CCDC88A: variants seen among roughly 807,000 people sequenced by gnomAD.
CCDC88A encodes the protein coiled-coil and HOOK domain protein 88A, also known as girdin.
CCDC88A carries 54 observed loss-of-function variants against 234.3 expected under a neutral mutation model. The ratio of observed to expected loss-of-function variants is 0.23; its 90% CI spans 0.19 to 0.29. The LOEUF is 0.29. Ranked by LOEUF, CCDC88A falls within the 10% of genes least tolerant of loss-of-function variation. The pLI, the probability that CCDC88A is intolerant of heterozygous loss-of-function variation, is 1.00. For synonymous variants in CCDC88A, 753 were observed against 737.8 expected, an observed-to-expected ratio of 1.02 and a Z score of -0.33; for missense variants, 1,832 against 2,123.4, an observed-to-expected ratio of 0.86 and a Z score of 2.70.
At chr2:55,363,869 T>C in intron 6 of CCDC88A, 81 bp downstream of exon 6, 1 of 689,334 alleles carries the variant, frequency 1.5e-6, no homozygotes, top group Non-Finnish European at 2.4e-6. Context: ...ATTCTATGAC[T>C]TTGAAGTATT....
At chr2:55,378,726 T>A (rs1356247475) in intron 3 of CCDC88A, among the ~76,000 whole-genome samples, 1 of 152,098 alleles carries the variant, frequency 6.6e-6, no homozygotes, top group Non-Finnish European at 1.5e-5. Context: ...GAGGATTTTT[T>A]ATACACATAT....
At chr2:55,360,469 T>A (rs748169863) in intron 7 of CCDC88A, among the ~76,000 whole-genome samples, 7 of 152,220 alleles carry the variant, frequency 4.6e-5, no homozygotes, top group Non-Finnish European at 7.3e-5. Context: ...ATTTCCCGGA[T>A]AACTGGATAT....
chr2:55,332,161 CAGG>C lies in CCDC88A; in HGVS notation c.2855+402_2855+404del. On this transcript the variant is annotated intron_variant, in intron 16 of 32. Transcript: ENST00000436346. This position sits in a 1 kb window ranked among gnomAD's most constrained non-coding sequence, Gnocchi z 4.5. ...GAGATGGAGTTTCGCTCTTGTTGCC[CAGG>C]CTGGAGTGCAACGGCACGATCTCAG... is the stretch of plus-strand genomic sequence containing the variant. The C allele has an allele frequency of 6.5e-6, 1 of 153,676 alleles. No individual in the cohort carries two copies. Among genetic ancestry groups the C allele is most frequent in the Non-Finnish European group, 1.4e-5 (1 of 69,522 alleles). 9.5% of individuals were successfully genotyped at this position (153,676 alleles called of 1,614,324 possible).
At chr2:55,384,318 C>A (rs1446842031) in intron 3 of CCDC88A, among the ~76,000 whole-genome samples, 1 of 115,406 alleles carries the variant, frequency 8.7e-6, no homozygotes, top group East Asian at 2.0e-4. Context: ...GAGCAAAACT[C>A]CATCTCAAAA....
At chr2:55,302,875 G>C (rs1014241652) in intron 26 of CCDC88A, 194 bp downstream of exon 26, 1 of 449,220 alleles carries the variant, frequency 2.2e-6, no homozygotes, top group African/African-American at 1.9e-5. Flanking sequence ...GCACGTATAT[G>C]TATCAGTGGA....
Position 55,296,425 on chromosome 2 carries a change from GACTGCT to G in CCDC88A, c.4918_4923del (p.Ser1640_Ser1641del), listed in dbSNP as rs772246531. On this transcript the variant is annotated inframe_deletion, in exon 30 of 33. Transcript: ENST00000436346. ...GTCTGTCTTTTCAAGTACTGGATTG[GACTGCT>G]ACCACTGCTGGACCAAGCCTCATGG... 1.2e-5 allele frequency: 19 copies of G among 1,614,086 alleles called. No homozygotes were observed. The highest frequency in any genetic ancestry group is 1.5e-5 in the Non-Finnish European group (18 of 1,180,042).
rs1202512605 is a variant in CCDC88A at position 55,374,831 on chromosome 2, C to T, written c.326G>A (p.Gly109Asp). The T allele has an allele frequency of 1.2e-6, 2 of 1,604,246 alleles. No homozygotes were observed. Among genetic ancestry groups the T allele is most frequent in the Admixed American group, 1.7e-5 (1 of 59,940 alleles). Residue 109 changes from glycine to aspartate, a missense_variant, in exon 4 of 33, where the codon GGC (glycine) becomes GAC (aspartate). Physicochemically the swap from Gly to Asp is moderately conservative, Grantham distance 94. Transcript: ENST00000436346. ...MMSLPNVLII[G>D]KNPFSEQGTE... ...ATACTTACCAGAAAAGGGATTTTTG[C>T]CAATGATTAAGACATTTGGCAACGA...
intron 3 of CCDC88A, among the ~76,000 whole-genome samples, chr2:55,384,581 GTA>G (rs1291999071): frequency 0.44 from 41,550 of 94,424 alleles, 18,932 homozygotes; most frequent in Non-Finnish European, 0.52. Flanking sequence ...GTATATATGT[GTA>G]TATATACACA....
intron 2 of CCDC88A, among the ~76,000 whole-genome samples, chr2:55,391,195 A>G (rs1178228863): frequency 6.6e-6 from 1 of 152,170 alleles, no homozygotes; most frequent in Non-Finnish European, 1.5e-5. Flanking sequence ...ACCGCAGAAG[A>G]GTCATGTGTT....
intron 2 of CCDC88A, among the ~76,000 whole-genome samples, chr2:55,415,186 G>A (rs975152680): frequency 2.0e-5 from 3 of 152,032 alleles, no homozygotes; most frequent in Non-Finnish European, 2.9e-5. Context: ...TGTGGTGCGC[G>A]TGCCTGTAGT....
Position 55,334,571 on chromosome 2 carries a change from T to C in CCDC88A, c.2250A>G (p.Lys750=). ...GLELLKASFK[K]TERLEVSYQG... ...GGTAGCTAACTTCTAAGCGTTCTGTTTTCTTGAAAGATGCTTTCAGGAGCT... is the reference window on the plus strand; with the variant it reads ...GGTAGCTAACTTCTAAGCGTTCTGTCTTCTTGAAAGATGCTTTCAGGAGCT... The change falls in exon 15 of 33, where the codon AAA becomes AAG. Residue 750 remains lysine (K), a synonymous_variant. Coordinates refer to ENST00000436346, the MANE Select transcript of CCDC88A (RefSeq NM_001365480.1). This position sits in a 1 kb window ranked among gnomAD's most constrained non-coding sequence, Gnocchi z 6.1. 6.2e-7 allele frequency: 1 copy of C among 1,613,216 alleles called. No individual in the cohort carries two copies. Among genetic ancestry groups the C allele is most frequent in the South Asian group, 1.1e-5 (1 of 91,064 alleles).
chr2:55,313,160 C>T (rs1254773476), intron 22 of CCDC88A: 2 of 152,186 alleles, frequency 1.3e-5, no homozygotes, highest in South Asian at 4.1e-4. Flanking sequence ...CAACCTCCGC[C>T]TCCCAGTTTC....
chr2:55,322,476 G>A, intron 18 of CCDC88A, 52 bp downstream of exon 18: 1 of 1,018,032 alleles, frequency 9.8e-7, no homozygotes, highest in Non-Finnish European at 1.5e-6. Context: ...TATATCCAGT[G>A]ATCCTCTATT....
At chr2:55,298,562 T>C (rs60182713) in intron 29 of CCDC88A, among the ~76,000 whole-genome samples, 5,281 of 152,108 alleles carry the variant, frequency 0.035, 277 homozygotes, top group African/African-American at 0.12. Context: ...ACAAAACAAA[T>C]GCATTCCTTG....
In CCDC88A at chr2:55,391,639, G is replaced by A. The variant is rs187876261; in HGVS notation, c.165-2753C>T. Among the ~76,000 whole-genome samples the A allele has an allele frequency of 5.3e-5, 8 of 152,282 alleles. No individual in the cohort carries two copies. The East Asian group carries it at 7.7e-4, about 15-fold the overall frequency. ...AACTATTTGAAATGAAAAATTCACC[G>A]CAGGAGCTTAACAATGGATTAGAAA... On this transcript the variant is annotated intron_variant, in intron 2 of 32. Coordinates refer to ENST00000436346, the MANE Select transcript of CCDC88A (RefSeq NM_001365480.1).
intron 2 of CCDC88A, among the ~76,000 whole-genome samples, chr2:55,391,518 A>G (rs1466986198): frequency 6.6e-6 from 1 of 152,232 alleles, no homozygotes; most frequent in East Asian, 1.9e-4. Flanking sequence ...AGGACTTTCT[A>G]CTAAAGGATT....
intron 2 of CCDC88A, among the ~76,000 whole-genome samples, chr2:55,414,713 T>C (rs1681056432): frequency 2.1e-5 from 1 of 48,764 alleles, no homozygotes; most frequent in Admixed American, 3.5e-4. Context: ...AACAACAGAG[T>C]CATTAAATTA....
intron 31 of CCDC88A, chr2:55,292,774 TTGCCTGAATCCAGG>T (rs1679574073): frequency 6.6e-6 from 1 of 152,284 alleles, no homozygotes; most frequent in Non-Finnish European, 1.5e-5. Context: ...GGCAGGAGAA[TTGCCTGAATCCAGG>T]AGGCAGAGGT....
intron 25 of CCDC88A, among the ~76,000 whole-genome samples, chr2:55,307,604 C>G (rs1434776260): frequency 6.6e-6 from 1 of 152,042 alleles, no homozygotes; most frequent in Non-Finnish European, 1.5e-5. Context: ...ATCCGCCCGC[C>G]TCGCCATCCA....
Sources: allele counts gnomAD v4.1 joint callset (sites outside exome capture counted in the v4.1 genomes callset), GRCh38; gene constraint gnomAD v4.1.1; non-coding constraint Gnocchi (gnomAD v3.1); transcripts MANE v1.5; gene names NCBI Gene and HGNC (gene_info 2026-07-23, HGNC 2026-07-21).